Variants in USH2A observed in about 807,000 individuals in gnomAD.
USH2A encodes the protein Usher syndrome 2A (autosomal recessive, mild).
USH2A carries 443 observed loss-of-function variants against 538.9 expected under a neutral mutation model. The ratio of observed to expected loss-of-function variants is 0.82; its 90% CI spans 0.76 to 0.89. The LOEUF is 0.89. Among genes scored for constraint, USH2A ranks in the 40% least tolerant of loss-of-function variants. USH2A has a pLI of 0.00. For synonymous variants in USH2A, 2,413 were observed against 2,273.5 expected (o/e 1.06, Z -1.75); for missense variants, 6,633 against 6,324.8 (o/e 1.05, Z -1.65).
chr1:216,404,803 T>C (rs1430722790), intron 3 of USH2A, among the ~76,000 whole-genome samples: 4 of 152,060 alleles, frequency 2.6e-5, no homozygotes, highest in Non-Finnish European at 5.9e-5. Flanking sequence ...TTTGTATTTT[T>C]AGTAGAGACG....
intron 11 of USH2A, among the ~76,000 whole-genome samples, chr1:216,270,903 T>C (rs991810555): frequency 6.6e-6 from 1 of 151,994 alleles, no homozygotes; most frequent in Non-Finnish European, 1.5e-5. Flanking sequence ...ATGATAATAA[T>C]CCTACGGTAA....
At chr1:216,177,636 G>T (rs1167454577) in intron 20 of USH2A, among the ~76,000 whole-genome samples, 1 of 152,102 alleles carries the variant, frequency 6.6e-6, no homozygotes, top group African/African-American at 2.4e-5. Flanking sequence ...CATACACTGG[G>T]ACCTTGCCAT....
chr1:216,376,297 ATTTAATC>A (rs2038819957), intron 3 of USH2A, among the ~76,000 whole-genome samples: 1 of 152,176 alleles, frequency 6.6e-6, no homozygotes. Flanking sequence ...CTGGACACTC[ATTTAATC>A]TTTATCAAAT....
intron 9 of USH2A, among the ~76,000 whole-genome samples, chr1:216,310,143 T>C (rs926094040): frequency 7.2e-5 from 11 of 152,144 alleles, no homozygotes; most frequent in Non-Finnish European, 1.5e-4. Context: ...ACACTCAAAG[T>C]AGTTACTGGC....
chr1:215,827,306 G>T (rs1011043791), intron 47 of USH2A, among the ~76,000 whole-genome samples: 2 of 152,152 alleles, frequency 1.3e-5, no homozygotes, highest in Admixed American at 6.6e-5. Flanking sequence ...GCAGTTGAGG[G>T]CTAAAGTGAA....
rs539727421 is a variant in USH2A at position 216,023,116 on chromosome 1, G to T, written c.6326-22554C>A. 1.9e-3 allele frequency among the ~76,000 whole-genome samples: 295 copies of T among 152,172 alleles called. 1 individual carries two copies. Among genetic ancestry groups the T allele is most frequent in the Middle Eastern group, 0.017 (5 of 294 alleles). ...GTGAAATACAAATATTAGAACTAAT[G>T]AGACTTATTTGTACATTCAGATTAA... On this transcript the variant is annotated intron_variant, in intron 32 of 71. Coordinates refer to ENST00000307340, the MANE Select transcript of USH2A (RefSeq NM_206933.4).
chr1:216,001,989 C>G (rs186039898), intron 32 of USH2A, among the ~76,000 whole-genome samples: 1 of 152,164 alleles, frequency 6.6e-6, no homozygotes, highest in Admixed American at 6.5e-5. Flanking sequence ...TGGGGCACTC[C>G]CATTCAATGT....
At chr1:216,342,933 G>A (rs964876680) in intron 4 of USH2A, among the ~76,000 whole-genome samples, 2 of 151,930 alleles carry the variant, frequency 1.3e-5, no homozygotes, top group African/African-American at 4.8e-5. Context: ...AAATCACCAT[G>A]GCACGCATAT....
intron 47 of USH2A, among the ~76,000 whole-genome samples, chr1:215,835,302 G>A (rs974720447): frequency 4.0e-5 from 6 of 151,794 alleles, no homozygotes; most frequent in Admixed American, 1.3e-4. Context: ...GCTATTATCT[G>A]GAGGTATTTT....
At chr1:215,724,313 A>G (rs1473755311) in intron 61 of USH2A, among the ~76,000 whole-genome samples, 1 of 152,154 alleles carries the variant, frequency 6.6e-6, no homozygotes, top group East Asian at 1.9e-4. Context: ...TTTTGCAGCA[A>G]CATGGATGGA....
intron 62 of USH2A, among the ~76,000 whole-genome samples, chr1:215,675,985 G>A (rs1175044827): frequency 6.6e-6 from 1 of 151,996 alleles, no homozygotes; most frequent in Non-Finnish European, 1.5e-5. Context: ...TTATGGATAT[G>A]AACTGCTTCT....
rs1308091518 is a variant in USH2A at position 216,077,118 on chromosome 1, C to T, written c.5572+971G>A. ...TGTAATGAGGATATAAATAATAATG[C>T]CTAACACACTTGTTATGAATAATTG... On this transcript the variant is annotated intron_variant, in intron 27 of 71. Transcript: ENST00000307340. Among the ~76,000 whole-genome samples, 10 of 152,202 alleles carry T rather than the reference C, an allele frequency of 6.6e-5. No homozygotes were observed. The East Asian group carries it at 1.2e-3, about 18-fold the overall frequency.
chr1:215,811,694 G>A (rs1461081842), intron 49 of USH2A, among the ~76,000 whole-genome samples: 1 of 152,016 alleles, frequency 6.6e-6, no homozygotes, highest in Non-Finnish European at 1.5e-5. Flanking sequence ...GACATTTGAG[G>A]TTGGGAGTTC....
intron 43 of USH2A, among the ~76,000 whole-genome samples, chr1:215,873,763 G>C (rs530200055): frequency 1.4e-5 from 2 of 145,176 alleles, no homozygotes; most frequent in Non-Finnish European, 3.0e-5. Flanking sequence ...GTGGATTCTC[G>C]AGGAATCACA....
chr1:216,286,676 A>G (rs770014657), intron 11 of USH2A, among the ~76,000 whole-genome samples: 16 of 152,144 alleles, frequency 1.1e-4, no homozygotes, highest in Non-Finnish European at 2.2e-4. Context: ...GTGAGCCAAG[A>G]TTGAGCCACT....
chr1:215,679,349 T>C (rs1029841723), intron 62 of USH2A, among the ~76,000 whole-genome samples: 3 of 152,142 alleles, frequency 2.0e-5, no homozygotes, highest in Non-Finnish European at 4.4e-5. Flanking sequence ...GTAGTGTGTC[T>C]ATAGCAGCTG....
intron 29 of USH2A, among the ~76,000 whole-genome samples, chr1:216,071,480 G>A (rs904175583): frequency 1.3e-5 from 2 of 152,126 alleles, no homozygotes; most frequent in Non-Finnish European, 2.9e-5. Context: ...TCTCATAAGG[G>A]ACAGAGCAAA....
Position 215,625,688 on chromosome 1 carries a change from G to T in USH2A, c.*93C>A. 8.5e-7 allele frequency: 1 copy of T among 1,171,456 alleles called. No individual in the cohort carries two copies. The highest frequency in any genetic ancestry group is 1.3e-6 in the Non-Finnish European group (1 of 780,988). 72.6% of individuals were successfully genotyped at this position (1,171,456 alleles called of 1,614,324 possible). On this transcript the variant is annotated 3_prime_UTR_variant, in exon 72 of 72. Transcript: ENST00000307340. ...AAGAATTATAGGATAATAAACAATG[G>T]CTTTTCAGCATTTATGATGTGTGAG...
intron 38 of USH2A, among the ~76,000 whole-genome samples, chr1:215,914,448 A>G (rs1244645833): frequency 6.6e-6 from 1 of 152,136 alleles, no homozygotes; most frequent in Non-Finnish European, 1.5e-5. Context: ...TCTAAAAATA[A>G]CTATGTACAG....
Sources: allele counts gnomAD v4.1 joint callset (sites outside exome capture counted in the v4.1 genomes callset), GRCh38; gene constraint gnomAD v4.1.1; transcripts MANE v1.5; gene names NCBI Gene and HGNC (gene_info 2026-07-23, HGNC 2026-07-21).